The following PEAK1 variants were observed in gnomAD, a reference collection of about 807,000 sequenced individuals.
PEAK1 encodes the protein pseudopodium enriched atypical kinase 1, also known as inactive tyrosine-protein kinase PEAK1.
In PEAK1, 54 loss-of-function variants were observed where a neutral mutation model predicts 124.7. The observed-to-expected ratio is 0.43, with a 90% confidence interval of 0.35 to 0.54. The LOEUF (loss-of-function observed/expected upper bound fraction) is 0.54, where lower values mean the gene tolerates loss of function less well. PEAK1 is among the 20% of genes least tolerant of loss of function. The probability of loss-of-function intolerance (pLI) is 0.01; values close to 1 mark genes in which losing one functional copy is unlikely to be tolerated. For missense variants in PEAK1, 2,046 were observed against 2,134.5 expected, an observed-to-expected ratio of 0.96 and a Z score of 0.82; for synonymous variants, 719 against 760.0, an observed-to-expected ratio of 0.95 and a Z score of 0.89.
At position 77,112,991 on chromosome 15, in the gene PEAK1, G is replaced by A. The variant is rs2051074856; in HGVS notation, c.*1165C>T. On this transcript the variant is annotated 3_prime_UTR_variant, in exon 10 of 10. Transcript: ENST00000682557. ...GAGCAATGAGCCACTTAAACACTGG[G>A]AGGCAGTCTCTCTAGAAGAGGTCAA... 6.6e-6 allele frequency: 1 copy of A among 152,234 alleles called. No homozygotes were observed. Among genetic ancestry groups the A allele is most frequent in the African/African-American group, 2.4e-5 (1 of 41,434 alleles). 9.4% of individuals were successfully genotyped at this position (152,234 alleles called of 1,614,324 possible).
Position 77,114,119 on chromosome 15 carries a change from A to T in PEAK1, c.*37T>A. On this transcript the variant is annotated 3_prime_UTR_variant, in exon 10 of 10. Transcript: ENST00000682557. ...GGGAAGTGCATGGGTGACATGAAGA[A>T]GGTGAAGATGTAGTAAAAGCATCAT... 6.3e-7 allele frequency: 1 copy of T among 1,589,632 alleles called. No individual in the cohort carries two copies. Among genetic ancestry groups the T allele is most frequent in the Non-Finnish European group, 8.6e-7 (1 of 1,162,068 alleles).
chr15:77,302,405 C>T (rs1290069631), intron 2 of PEAK1, among the ~76,000 whole-genome samples: 2 of 152,116 alleles, frequency 1.3e-5, no homozygotes, highest in East Asian at 3.9e-4. Flanking sequence ...ATCATTTTAG[C>T]CTCTCATTGC....
intron 6 of PEAK1, among the ~76,000 whole-genome samples, chr15:77,243,687 G>A (rs563184053): frequency 6.6e-6 from 1 of 152,278 alleles, no homozygotes; most frequent in East Asian, 1.9e-4. Context: ...ACCCACAGAT[G>A]GGCCAGGTGT....
At chr15:77,116,404 C>T (rs1238993298) in intron 9 of PEAK1, among the ~76,000 whole-genome samples, 1 of 152,150 alleles carries the variant, frequency 6.6e-6, no homozygotes, top group Non-Finnish European at 1.5e-5. Flanking sequence ...GTAGTGTTTA[C>T]ACTGCATGTT....
intron 1 of PEAK1, among the ~76,000 whole-genome samples, chr15:77,377,583 C>T (rs2069134264): frequency 1.3e-5 from 2 of 151,700 alleles, no homozygotes; most frequent in South Asian, 4.2e-4. Context: ...GATTCTCCTG[C>T]CTCAGCCTTC....
At chr15:77,117,147 GA>G (rs2051460955) in intron 9 of PEAK1, among the ~76,000 whole-genome samples, 1 of 152,094 alleles carries the variant, frequency 6.6e-6, no homozygotes, top group African/African-American at 2.4e-5. Context: ...TTGTCTTCTG[GA>G]ATGAAAGCTC....
At chr15:77,241,859 T>C (rs1241430142) in intron 6 of PEAK1, among the ~76,000 whole-genome samples, 1 of 152,086 alleles carries the variant, frequency 6.6e-6, no homozygotes, top group African/African-American at 2.4e-5. Context: ...ATAGACTATG[T>C]TCATCAACTG....
At chr15:77,219,434 T>C (rs2059289645) in intron 6 of PEAK1, among the ~76,000 whole-genome samples, 2 of 152,172 alleles carry the variant, frequency 1.3e-5, no homozygotes. Context: ...TTTATATGTA[T>C]GAGCATAGTT....
At chr15:77,402,290 A>C in intron 1 of PEAK1, 6 of 985,230 alleles carry the variant, frequency 6.1e-6, no homozygotes, top group Non-Finnish European at 7.2e-6. Flanking sequence ...GAATTGCTTT[A>C]AAATGCATAT....
intron 6 of PEAK1, among the ~76,000 whole-genome samples, chr15:77,222,821 A>T (rs1292250712): frequency 6.6e-6 from 1 of 152,072 alleles, no homozygotes; most frequent in Non-Finnish European, 1.5e-5. Flanking sequence ...ATTATGAAAT[A>T]GTTCAAAATG....
intron 1 of PEAK1, chr15:77,401,769 T>C: frequency 2.0e-6 from 2 of 985,142 alleles, no homozygotes; most frequent in Non-Finnish European, 2.4e-6. Flanking sequence ...GAGCTTTTGC[T>C]GATCTGTATT....
intron 2 of PEAK1, among the ~76,000 whole-genome samples, chr15:77,317,139 T>C (rs1272132418): frequency 6.6e-6 from 1 of 152,062 alleles, no homozygotes; most frequent in East Asian, 1.9e-4. Flanking sequence ...ATTTTCTGTT[T>C]CAATAATAAC....
At chr15:77,326,682 C>T (rs2065596173) in intron 2 of PEAK1, among the ~76,000 whole-genome samples, 1 of 152,056 alleles carries the variant, frequency 6.6e-6, no homozygotes, top group South Asian at 2.1e-4. Flanking sequence ...AAAAACAACT[C>T]CCTAAGATGT....
chr15:77,114,485 GA>G lies in PEAK1; in HGVS notation c.4911del (p.Leu1638CysfsTer9). The G allele has an allele frequency of 6.2e-7, 1 of 1,614,072 alleles. No individual in the cohort carries two copies. The highest frequency in any genetic ancestry group is 8.5e-7 in the Non-Finnish European group (1 of 1,179,978). On this transcript the variant is annotated frameshift_variant, in exon 10 of 10. Transcript: ENST00000682557. LOFTEE classifies it high-confidence loss of function. Reference sequence around the variant, plus strand: ...AGGAGGCAGCTGGCCAGCTGCTGCAGACCCCGGGAGTAGGGGGAGCGGAATG... The same window carrying G: ...AGGAGGCAGCTGGCCAGCTGCTGCAGCCCCGGGAGTAGGGGGAGCGGAATG... Reference protein sequence around the residue: ...RIPFRSPYSRGLQQLASCLLN... With the variant: ...RIPFRSPYSRXLQQLASCLLN...
chr15:77,180,798 A>AATCTCC lies in PEAK1; in HGVS notation c.1123_1128dup (p.Gly375_Asp376dup), dbSNP rs1377082274. ...GGCTCAATTTCCTTCATGTCCTTAGAATCTCCTGGGTTACCAGGAGATAAT... is the reference window on the plus strand; with the variant it reads ...GGCTCAATTTCCTTCATGTCCTTAGAATCTCCATCTCCTGGGTTACCAGGAGATAAT... On this transcript the variant is annotated inframe_insertion, in exon 7 of 10. Transcript: ENST00000682557. The AATCTCC allele has an allele frequency of 6.2e-7, 1 of 1,613,962 alleles. No individual in the cohort carries two copies. The highest frequency in any genetic ancestry group is 2.2e-5 in the East Asian group (1 of 44,866).
intron 7 of PEAK1, among the ~76,000 whole-genome samples, chr15:77,162,493 C>CAAAAAAAAAAA (rs71143393): frequency 1.4e-5 from 1 of 70,456 alleles, no homozygotes; most frequent in Non-Finnish European, 2.4e-5. Context: ...GACTCCATCT[C>CAAAAAAAAAAA]AAAAAAAAAA....
At chr15:77,349,024 A>G in intron 2 of PEAK1, 2 of 938,810 alleles carry the variant, frequency 2.1e-6, no homozygotes, top group Non-Finnish European at 2.5e-6. Context: ...AGCAATCACA[A>G]TTTTATTCAG....
intron 6 of PEAK1, among the ~76,000 whole-genome samples, chr15:77,191,674 A>T (rs1364533844): frequency 6.6e-6 from 1 of 152,214 alleles, no homozygotes; most frequent in East Asian, 1.9e-4. Context: ...ATCAGGAAGG[A>T]GTTGCTGAGC....
At chr15:77,186,328 G>C (rs140101367) in intron 6 of PEAK1, among the ~76,000 whole-genome samples, 1 of 152,286 alleles carries the variant, frequency 6.6e-6, no homozygotes, top group Non-Finnish European at 1.5e-5. Flanking sequence ...CTTTTTCAAA[G>C]ACTAGTAGAT....
Sources: allele counts gnomAD v4.1 joint callset (sites outside exome capture counted in the v4.1 genomes callset), GRCh38; gene constraint gnomAD v4.1.1; transcripts MANE v1.5; gene names NCBI Gene and HGNC (gene_info 2026-07-23, HGNC 2026-07-21).